The following GYPC variants were observed in gnomAD, a reference collection of about 807,000 sequenced individuals.
The protein encoded by GYPC is glycophorin-C.
A neutral mutation model predicts 12.6 loss-of-function variants in GYPC; 14 were observed. The observed-to-expected ratio is 1.11, with a 90% CI of 0.74 to 1.74. The LOEUF is 1.74. GYPC is among the 40% of genes most tolerant of loss of function. The pLI, the probability that GYPC is intolerant of heterozygous loss-of-function variation, is 0.00. For synonymous variants in GYPC, 78 were observed against 62.1 expected (o/e 1.26, Z -1.20); for missense variants, 225 against 172.1 (o/e 1.31, Z -1.72).
At chr2:126,659,780 C>CTTT (rs1203132482) in intron 1 of GYPC, among the ~76,000 whole-genome samples, 3 of 137,894 alleles carry the variant, frequency 2.2e-5, no homozygotes, top group Non-Finnish European at 3.2e-5. Flanking sequence ...TCTTTCTTTT[C>CTTT]TTTTTTTTTT....
At chr2:126,689,096 A>G (rs576235189) in intron 1 of GYPC, among the ~76,000 whole-genome samples, 2 of 152,354 alleles carry the variant, frequency 1.3e-5, no homozygotes, top group East Asian at 1.9e-4. Context: ...TTAAGCTGTG[A>G]AAAAACACAC....
At chr2:126,661,786 C>T (rs1682543538) in intron 1 of GYPC, among the ~76,000 whole-genome samples, 1 of 152,208 alleles carries the variant, frequency 6.6e-6, no homozygotes, top group Non-Finnish European at 1.5e-5. Context: ...ATTGCCAAAA[C>T]ACTGTGGTCA....
rs56148649 is a variant in GYPC at position 126,696,582 on chromosome 2, A to T, written c.*440A>T. ...ATGTCAGTCCTTGACATTTGGGGGG[A>T]ACAGCAGGTGCCAGAGCTAAAAGGT... On this transcript the variant is annotated 3_prime_UTR_variant, in exon 4 of 4. Coordinates refer to ENST00000259254, the MANE Select transcript of GYPC (RefSeq NM_002101.5). 7.5e-6 allele frequency: 2 copies of T among 265,010 alleles called. No individual in the cohort carries two copies. Among genetic ancestry groups the T allele is most frequent in the South Asian group, 8.8e-5 (2 of 22,854 alleles). 16.4% of individuals were successfully genotyped at this position (265,010 alleles called of 1,614,324 possible). A position where few individuals can be genotyped will look rare whatever the true frequency, so the allele number is the denominator to read the frequency against.
Position 126,690,238 on chromosome 2 carries a change from T to C in GYPC, c.50-17T>C, listed in dbSNP as rs776521209. 5.6e-6 allele frequency: 9 copies of C among 1,602,658 alleles called. No individual in the cohort carries two copies. Among genetic ancestry groups the C allele is most frequent in the Non-Finnish European group, 6.8e-6 (8 of 1,169,668 alleles). On this transcript the variant is annotated splice_polypyrimidine_tract_variant and intron_variant, in intron 1 of 3. Coordinates refer to ENST00000259254, the MANE Select transcript of GYPC (RefSeq NM_002101.5). ...AGTCTTCCTCTCTGACCTCAGATTC[T>C]TGTCCTCTGTTCACAGAGCCTGATC... is the stretch of plus-strand genomic sequence containing the variant.
chr2:126,677,939 C>T lies in GYPC; in HGVS notation c.50-12316C>T, dbSNP rs921598537. Reference sequence around the variant, plus strand: ...ATATTCAGGTGAAAATGTCCCCCATCGGCCGGGTGCAGCGGCTCACGCCTG... The same window carrying T: ...ATATTCAGGTGAAAATGTCCCCCATTGGCCGGGTGCAGCGGCTCACGCCTG... On this transcript the variant is annotated intron_variant, in intron 1 of 3. Coordinates refer to ENST00000259254, the MANE Select transcript of GYPC (RefSeq NM_002101.5). Among the ~76,000 whole-genome samples, 3 of 152,210 alleles carry T rather than the reference C, an allele frequency of 2.0e-5. No individual in the cohort carries two copies. In the East Asian group the frequency reaches 5.8e-4, roughly 29 times the overall value.
chr2:126,690,813 C>T (rs1410664983), intron 2 of GYPC, among the ~76,000 whole-genome samples: 7 of 152,136 alleles, frequency 4.6e-5, no homozygotes, highest in African/African-American at 9.7e-5. Flanking sequence ...AACGGGCTCC[C>T]CATGGGTCAT....
At chr2:126,686,183 G>C in intron 1 of GYPC, 1 of 985,426 alleles carries the variant, frequency 1.0e-6, no homozygotes, top group Non-Finnish European at 1.2e-6. Flanking sequence ...CAACAGAGGA[G>C]TGTGACTTCC....
At chr2:126,661,345 C>T (rs1427544632) in intron 1 of GYPC, among the ~76,000 whole-genome samples, 2 of 152,196 alleles carry the variant, frequency 1.3e-5, no homozygotes, top group Non-Finnish European at 2.9e-5. Flanking sequence ...CTCCCTCTCC[C>T]GTTCTGCTGG....
At chr2:126,686,503 G>A in intron 1 of GYPC, 3 of 985,490 alleles carry the variant, frequency 3.0e-6, no homozygotes, top group Non-Finnish European at 3.6e-6. Context: ...TGAGCATAGT[G>A]AAGGCTGCAG....
intron 1 of GYPC, among the ~76,000 whole-genome samples, chr2:126,661,719 T>A (rs1682541937): frequency 6.6e-6 from 1 of 152,156 alleles, no homozygotes; most frequent in African/African-American, 2.4e-5. Flanking sequence ...CCCAAAGTGC[T>A]GGGATTGATT....
At chr2:126,693,992 C>A (rs376357410) in intron 3 of GYPC, 45 bp downstream of exon 3, 83 of 1,331,040 alleles carry the variant, frequency 6.2e-5, no homozygotes, top group Non-Finnish European at 5.2e-5. Context: ...GGGTGGGGGG[C>A]CTTGGTGAAA....
chr2:126,691,748 G>A (rs1683471982), intron 2 of GYPC, among the ~76,000 whole-genome samples: 1 of 152,124 alleles, frequency 6.6e-6, no homozygotes, highest in Admixed American at 6.6e-5. Flanking sequence ...ACCTGCACCT[G>A]GCACCTAGTA....
intron 1 of GYPC, among the ~76,000 whole-genome samples, chr2:126,666,097 C>T (rs948787884): frequency 3.9e-5 from 6 of 152,196 alleles, no homozygotes; most frequent in South Asian, 2.1e-4. Context: ...TGCCGTCCTC[C>T]GCAGGCACCC....
intron 1 of GYPC, chr2:126,678,705 T>A (rs1683079387): frequency 6.6e-6 from 1 of 152,364 alleles, no homozygotes; most frequent in African/African-American, 2.4e-5. Flanking sequence ...GGTCCTGTTG[T>A]CTCTGGGCCA....
At chr2:126,681,778 CAA>C (rs55636033) in intron 1 of GYPC, among the ~76,000 whole-genome samples, 1,790 of 132,252 alleles carry the variant, frequency 0.014, 12 homozygotes, top group Non-Finnish European at 0.022. Context: ...AAACTTCATC[CAA>C]AAAAAAAAAA....
At chr2:126,663,499 G>A (rs567317655) in intron 1 of GYPC, among the ~76,000 whole-genome samples, 24 of 152,148 alleles carry the variant, frequency 1.6e-4, no homozygotes, top group Non-Finnish European at 2.9e-4. Flanking sequence ...GGTCATCTTT[G>A]CCCCCACCTC....
At position 126,693,892 on chromosome 2, in the gene GYPC, G is replaced by C. The variant is rs557592062; in HGVS notation, c.135G>C (p.Pro45=). The change falls in exon 3 of 4, where the codon CCG becomes CCC. Residue 45 remains proline, a synonymous_variant. Coordinates refer to ENST00000259254, the MANE Select transcript of GYPC (RefSeq NM_002101.5). Reference sequence around the variant, plus strand: ...CTGATCCAGGGATGTCTGGATGGCCGGATGGCAGAATGGAGACCTCCACCC... The same window carrying C: ...CTGATCCAGGGATGTCTGGATGGCCCGATGGCAGAATGGAGACCTCCACCC... ...AEPDPGMSGW[P]DGRMETSTPT... 6.2e-7 allele frequency: 1 copy of C among 1,612,056 alleles called. No homozygotes were observed. Among genetic ancestry groups the C allele is most frequent in the Non-Finnish European group, 8.5e-7 (1 of 1,178,266 alleles).
At chr2:126,661,259 C>T (rs552462207) in intron 1 of GYPC, among the ~76,000 whole-genome samples, 2 of 152,054 alleles carry the variant, frequency 1.3e-5, no homozygotes, top group South Asian at 4.1e-4. Flanking sequence ...GGGTGCCTGC[C>T]TCGCCTGGCA....
chr2:126,696,311 G>A lies in GYPC; in HGVS notation c.*169G>A, dbSNP rs752374676. 148 of 661,818 alleles carry A rather than the reference G, an allele frequency of 2.2e-4. No homozygotes were observed. Among genetic ancestry groups the A allele is most frequent in the Non-Finnish European group, 3.8e-4 (141 of 367,564 alleles). 41.0% of individuals were successfully genotyped at this position (661,818 alleles called of 1,614,324 possible). A position where few individuals can be genotyped will look rare whatever the true frequency, so the allele number is the denominator to read the frequency against. Reference sequence around the variant, plus strand: ...GGTGCCTGCCCAGGGAGGAACGGAGGAGGACTCGCGCTACAAGAGGCCACT... The same window carrying A: ...GGTGCCTGCCCAGGGAGGAACGGAGAAGGACTCGCGCTACAAGAGGCCACT... On this transcript the variant is annotated 3_prime_UTR_variant, in exon 4 of 4. Coordinates refer to ENST00000259254, the MANE Select transcript of GYPC (RefSeq NM_002101.5).
Sources: allele counts gnomAD v4.1 joint callset (sites outside exome capture counted in the v4.1 genomes callset), GRCh38; gene constraint gnomAD v4.1.1; transcripts MANE v1.5; gene names NCBI Gene and HGNC (gene_info 2026-07-23, HGNC 2026-07-21).